Variants in NHSL1 observed in about 807,000 individuals in gnomAD.
NHSL1 encodes NHS like 1, also known as NHS-like protein 1.
NHSL1 carries 48 observed loss-of-function variants against 95.0 expected under a neutral mutation model. The observed-to-expected ratio is 0.51, with a 90% confidence interval of 0.40 to 0.64. The LOEUF (loss-of-function observed/expected upper bound fraction) is 0.64, where lower values mean the gene tolerates loss of function less well. Ranked by LOEUF, NHSL1 falls within the 30% of genes least tolerant of loss-of-function variation. The pLI is 0.00. For synonymous variants in NHSL1, 783 were observed against 833.9 expected (o/e 0.94, Z 1.05); for missense variants, 1,971 against 2,077.7 (o/e 0.95, Z 1.00).
At chr6:138,646,301 C>T (rs987929673) in intron 1 of NHSL1, among the ~76,000 whole-genome samples, 2 of 152,056 alleles carry the variant, frequency 1.3e-5, no homozygotes, top group African/African-American at 2.4e-5. Context: ...CTCCAAAGAA[C>T]CTGTTGTAAG....
chr6:138,432,817 C>T lies in NHSL1; in HGVS notation c.1528G>A (p.Glu510Lys). 6.4e-7 allele frequency: 1 copy of T among 1,551,640 alleles called. No homozygotes were observed. The highest frequency in any genetic ancestry group is 8.7e-7 in the Non-Finnish European group (1 of 1,146,972). The stretch of plus-strand genomic sequence containing the variant: ...TACGGCATAGCTTGGGACCCATTCT[C>T]CCTATTTGCTGGAGCATTTAGAGGG... ...AVPLNAPANR[E>K]NGSQAMPYNC... Residue 510 changes from glutamate to lysine, a missense_variant, in exon 6 of 8, where the codon GAG becomes AAG. Glu to Lys is a moderately conservative substitution (Grantham distance 56, BLOSUM62 1). This residue lies in a region of NHSL1 where 1,602 missense variants were observed against 1,654.5 expected (regional missense o/e 0.97). Transcript: ENST00000343505. The surrounding 1 kb of genome is among the most constrained non-coding windows in gnomAD (Gnocchi z 4.4).
At chr6:138,465,703 T>G (rs190679917) in intron 3 of NHSL1, among the ~76,000 whole-genome samples, 2 of 151,500 alleles carry the variant, frequency 1.3e-5, no homozygotes, top group African/African-American at 2.4e-5. Context: ...CTGATATATC[T>G]CCTACACTTT....
At chr6:138,518,801 T>C (rs1781557077) in intron 1 of NHSL1, among the ~76,000 whole-genome samples, 1 of 152,152 alleles carries the variant, frequency 6.6e-6, no homozygotes, top group South Asian at 2.1e-4. Context: ...GCAGATCGCC[T>C]GAGGTCAGGA....
At chr6:138,460,374 A>G (rs1395569517) in intron 3 of NHSL1, among the ~76,000 whole-genome samples, 1 of 148,200 alleles carries the variant, frequency 6.7e-6, no homozygotes, top group African/African-American at 2.5e-5. Context: ...AGCCCTCTAT[A>G]ACGTGGGGTT....
intron 3 of NHSL1, among the ~76,000 whole-genome samples, chr6:138,455,770 C>T (rs375045354): frequency 1.0e-3 from 159 of 152,318 alleles, no homozygotes; most frequent in African/African-American, 3.7e-3. Flanking sequence ...AGCATAAACA[C>T]TGGTAGTGCC....
chr6:138,684,646 G>GA (rs370171537), intron 1 of NHSL1, among the ~76,000 whole-genome samples: 15,842 of 148,624 alleles, frequency 0.11, 1,071 homozygotes, highest in East Asian at 0.22. Flanking sequence ...CTCCGTCTCA[G>GA]AAAAACAAAC....
chr6:138,553,221 T>A (rs1158953999), intron 1 of NHSL1, among the ~76,000 whole-genome samples: 3 of 152,252 alleles, frequency 2.0e-5, no homozygotes, highest in Non-Finnish European at 4.4e-5. Flanking sequence ...ACCCCCTTGG[T>A]AAGCTCTGCG....
At chr6:138,675,680 G>A (rs1328964844) in intron 1 of NHSL1, among the ~76,000 whole-genome samples, 1 of 151,944 alleles carries the variant, frequency 6.6e-6, no homozygotes, top group Non-Finnish European at 1.5e-5. Flanking sequence ...GATTACAGGC[G>A]CATGTCCCCA....
rs9402972 is a variant in NHSL1 at position 138,422,882 on chromosome 6, A to C, written c.*1199T>G. 1.3e-5 allele frequency: 2 copies of C among 152,294 alleles called. No individual in the cohort carries two copies. Among genetic ancestry groups the C allele is most frequent in the East Asian group, 3.9e-4 (2 of 5,190 alleles). 9.4% of individuals were successfully genotyped at this position (152,294 alleles called of 1,614,324 possible). On this transcript the variant is annotated 3_prime_UTR_variant, in exon 8 of 8. Transcript: ENST00000343505. ...CAATTTTTATCAGTTTATTTGACTA[A>C]CAAGAGCTATTCAGCATTTTCTTCA... is the stretch of plus-strand genomic sequence containing the variant.
chr6:138,633,376 A>C (rs1463576311), intron 1 of NHSL1, among the ~76,000 whole-genome samples: 1 of 152,236 alleles, frequency 6.6e-6, no homozygotes, highest in African/African-American at 2.4e-5. Flanking sequence ...TTTAACCCAA[A>C]AAGACCACCT....
At chr6:138,521,717 T>C (rs766350661) in intron 1 of NHSL1, among the ~76,000 whole-genome samples, 20 of 152,122 alleles carry the variant, frequency 1.3e-4, no homozygotes, top group Non-Finnish European at 2.5e-4. Flanking sequence ...GTGCTATTTA[T>C]TGGGGAGGAG....
Position 138,432,350 on chromosome 6 carries a change from CA to C in NHSL1, c.1994del (p.Leu665Ter). The C allele has an allele frequency of 6.4e-7, 1 of 1,551,786 alleles. No homozygotes were observed. The part of the protein sequence containing the change: ...QDKSLSRNIS[L>X]KKAKKPPLPP... Reference sequence around the variant, plus strand: ...GCAGGGGAGGCTTCTTTGCTTTCTTCAAAGAGATGTTTCTTGATAGGGATTT... The same window carrying C: ...GCAGGGGAGGCTTCTTTGCTTTCTTCAAGAGATGTTTCTTGATAGGGATTT... On this transcript the variant is annotated frameshift_variant, in exon 6 of 8. Transcript: ENST00000343505. LOFTEE classifies it high-confidence loss of function. The surrounding 1 kb of genome is among the most constrained non-coding windows in gnomAD (Gnocchi z 4.4).
At chr6:138,681,140 A>G in intron 1 of NHSL1, among the ~76,000 whole-genome samples, 1 of 152,226 alleles carries the variant, frequency 6.6e-6, no homozygotes, top group East Asian at 1.9e-4. Context: ...GAGGAAAATA[A>G]TACTTTGGAT....
chr6:138,522,221 T>C (rs1562346508), intron 1 of NHSL1, among the ~76,000 whole-genome samples: 1 of 151,458 alleles, frequency 6.6e-6, no homozygotes, highest in Non-Finnish European at 1.5e-5. Flanking sequence ...AATAGAAAAA[T>C]GGATGGCCCC....
intron 3 of NHSL1, among the ~76,000 whole-genome samples, chr6:138,470,235 T>C (rs1477801240): frequency 2.6e-5 from 4 of 152,206 alleles, no homozygotes; most frequent in Non-Finnish European, 4.4e-5. Flanking sequence ...ATATCTCTAA[T>C]GATATATTCC....
intron 1 of NHSL1, among the ~76,000 whole-genome samples, chr6:138,676,196 T>C (rs1418944614): frequency 1.3e-5 from 2 of 152,100 alleles, no homozygotes; most frequent in African/African-American, 4.8e-5. Context: ...TAATCCAATA[T>C]TCTGTACTTT....
At chr6:138,458,567 A>G (rs7751615) in intron 3 of NHSL1, among the ~76,000 whole-genome samples, 47,952 of 151,774 alleles carry the variant, frequency 0.32, 9,545 homozygotes, top group African/African-American at 0.55. Flanking sequence ...GGTGGCTCAC[A>G]CCTGTAATCC....
At chr6:138,474,049 GTGGCACCACTATGGTGCCA>G (rs1778917353) in intron 2 of NHSL1, among the ~76,000 whole-genome samples, 1 of 152,130 alleles carries the variant, frequency 6.6e-6, no homozygotes, top group Non-Finnish European at 1.5e-5. Context: ...AGAGGAATGC[GTGGCACCACTATGGTGCCA>G]TGGATCTCGG....
rs1583309598 is a variant in NHSL1, at chr6:138,499,397, T to TC, written c.-108dup. ...TCTGCTACAGATTCTAACTTTTTCT[T>TC]CCCCCGGTCTCATATCCTTAGACAT... On this transcript the variant is annotated 5_prime_UTR_variant, in exon 1 of 8. It introduces an in-frame stop codon into an upstream open reading frame of the 5' UTR. Transcript: ENST00000343505. 1 of 1,492,944 alleles carries TC rather than the reference T, an allele frequency of 6.7e-7. No homozygotes were observed. The highest frequency in any genetic ancestry group is 9.0e-7 in the Non-Finnish European group (1 of 1,116,262). 92.5% of individuals were successfully genotyped at this position (1,492,944 alleles called of 1,614,324 possible).
Sources: allele counts gnomAD v4.1 joint callset (sites outside exome capture counted in the v4.1 genomes callset), GRCh38; gene constraint gnomAD v4.1.1; regional missense constraint gnomAD v4.1.1; non-coding constraint Gnocchi (gnomAD v3.1); transcripts MANE v1.5; gene names NCBI Gene and HGNC (gene_info 2026-07-23, HGNC 2026-07-21).